Variants in RNF220 observed in about 807,000 individuals in gnomAD.
The protein encoded by RNF220 is ring finger protein 220, also known as E3 ubiquitin-protein ligase RNF220.
Under a neutral mutation model 67.1 loss-of-function variants are expected in RNF220, and 7 were observed. That is an observed-to-expected ratio of 0.10 (90% CI 0.06 to 0.20). The LOEUF (loss-of-function observed/expected upper bound fraction) is 0.20. RNF220 is among the 10% of genes least tolerant of loss of function. The pLI is 1.00. For synonymous variants in RNF220, 270 were observed against 283.2 expected (o/e 0.95, Z 0.47); for missense variants, 565 against 740.3 (o/e 0.76, Z 2.75).
intron 2 of RNF220, among the ~76,000 whole-genome samples, chr1:44,532,221 G>A (rs915274064): frequency 6.6e-6 from 1 of 152,204 alleles, no homozygotes; most frequent in Admixed American, 6.5e-5. Flanking sequence ...GGACACAGCA[G>A]GGTGAGCCTG....
intron 2 of RNF220, among the ~76,000 whole-genome samples, chr1:44,450,375 A>G (rs1652549175): frequency 3.9e-5 from 6 of 152,170 alleles, no homozygotes. Flanking sequence ...CAAAAAAAAA[A>G]TAAATTACAG....
intron 2 of RNF220, among the ~76,000 whole-genome samples, chr1:44,446,262 G>T (rs532277830): frequency 6.6e-6 from 1 of 152,116 alleles, no homozygotes; most frequent in Non-Finnish European, 1.5e-5. Context: ...TTTATGCTTC[G>T]GTTAAAAAGT....
intron 2 of RNF220, among the ~76,000 whole-genome samples, chr1:44,451,745 C>A (rs190671082): frequency 2.0e-5 from 3 of 152,122 alleles, no homozygotes; most frequent in African/African-American, 7.2e-5. Flanking sequence ...CTCAGCCTTC[C>A]GAGTAGCTGG....
intron 2 of RNF220, among the ~76,000 whole-genome samples, chr1:44,564,266 C>T (rs562678804): frequency 2.6e-5 from 4 of 152,290 alleles, no homozygotes; most frequent in South Asian, 2.1e-4. Flanking sequence ...TTGCCTGGAC[C>T]GTTGCAATCA....
intron 2 of RNF220, among the ~76,000 whole-genome samples, chr1:44,563,089 C>T (rs553258344): frequency 6.6e-6 from 1 of 152,302 alleles, no homozygotes; most frequent in East Asian, 1.9e-4. Flanking sequence ...GGGGGATGCA[C>T]TTATGAGGCC....
chr1:44,611,132 A>G (rs887325012), intron 2 of RNF220, among the ~76,000 whole-genome samples: 5 of 152,224 alleles, frequency 3.3e-5, no homozygotes, highest in Admixed American at 6.5e-5. Flanking sequence ...CAGGGGGCCC[A>G]TGGCCATGCT....
At chr1:44,407,219 C>A (rs1226237610) in intron 1 of RNF220, among the ~76,000 whole-genome samples, 1 of 152,166 alleles carries the variant, frequency 6.6e-6, no homozygotes, top group African/African-American at 2.4e-5. Flanking sequence ...CCACGACGCC[C>A]AGCAGCCACA....
chr1:44,569,308 A>G (rs1017073485), intron 2 of RNF220, among the ~76,000 whole-genome samples: 1 of 152,194 alleles, frequency 6.6e-6, no homozygotes, highest in Admixed American at 6.5e-5. Context: ...TTCATAATTT[A>G]TACCCTCAAT....
chr1:44,513,227 C>T (rs1268385906), intron 2 of RNF220, among the ~76,000 whole-genome samples: 9 of 152,148 alleles, frequency 5.9e-5, no homozygotes, highest in Non-Finnish European at 1.0e-4. Flanking sequence ...AGAACCTGTG[C>T]GAGGAGCTCT....
In RNF220 at chr1:44,635,573, G is replaced by A. The variant is rs2148482995; in HGVS notation, c.978G>A (p.Lys326=). 1 of 1,614,194 alleles carries A rather than the reference G, an allele frequency of 6.2e-7. No homozygotes were observed. The highest frequency in any genetic ancestry group is 1.3e-5 in the African/African-American group (1 of 75,064). Residue 326 remains lysine (K), a synonymous_variant, in exon 7 of 15, where the codon AAG becomes AAA. Transcript: ENST00000361799. ...GGATTGGGAAAATGAAACGGAGGAA[G>A]CAAGATGAAGGGCAGGTATGTCCCC... ...NARIGKMKRR[K]QDEGQREGSC...
At position 44,644,486 on chromosome 1, in the gene RNF220, A is replaced by T. The variant is rs78989205; in HGVS notation, c.1127-212A>T. On this transcript the variant is annotated intron_variant, in intron 8 of 14. Transcript: ENST00000361799. ...ATGAGCAGAGACCACTTGGAGCAGC[A>T]TGCAGTAGCAGAGAAAGATGAGGTT... The T allele has an allele frequency of 2.6e-3, 1,466 of 553,242 alleles. 20 individuals carry two copies. Among genetic ancestry groups the T allele is most frequent in the African/African-American group, 0.025 (1,324 of 53,078 alleles). 34.3% of individuals were successfully genotyped at this position (553,242 alleles called of 1,614,324 possible).
chr1:44,424,169 GA>G, intron 2 of RNF220: 1 of 245,138 alleles, frequency 4.1e-6, no homozygotes, highest in Non-Finnish European at 6.5e-6. Flanking sequence ...ATATGAAAAA[GA>G]AATGATAATG....
Position 44,650,992 on chromosome 1 carries a change from A to T in RNF220, c.*217A>T. 1.1e-4 allele frequency: 52 copies of T among 479,312 alleles called. No individual in the cohort carries two copies. Among genetic ancestry groups the T allele is most frequent in the East Asian group, 1.7e-4 (4 of 23,910 alleles). The allele number at this position is 479,312 out of a possible 1,614,324, so 29.7% of individuals were successfully genotyped here. The stretch of plus-strand genomic sequence containing the variant: ...AGGCACTACCTGCTGGCTCCCACCT[A>T]TGGTTTGGGGGCCATACCTGTTCCA... On this transcript the variant is annotated 3_prime_UTR_variant, in exon 15 of 15. Transcript: ENST00000361799. This position sits in a 1 kb window ranked among gnomAD's most constrained non-coding sequence, Gnocchi z 4.3.
intron 1 of RNF220, among the ~76,000 whole-genome samples, 188 bp downstream of exon 1, chr1:44,405,718 C>T (rs1451868127): frequency 1.3e-5 from 2 of 151,992 alleles, no homozygotes; most frequent in African/African-American, 4.8e-5. Context: ...GCGACGGAGC[C>T]TCTCGGCATC....
chr1:44,597,591 G>A (rs1666608827), intron 2 of RNF220, among the ~76,000 whole-genome samples: 2 of 150,492 alleles, frequency 1.3e-5, no homozygotes, highest in Admixed American at 1.3e-4. Context: ...TACACAACAT[G>A]TCTGTTATGC....
chr1:44,596,501 G>T (rs1017157106), intron 2 of RNF220, among the ~76,000 whole-genome samples: 2 of 147,232 alleles, frequency 1.4e-5, no homozygotes, highest in African/African-American at 2.5e-5. Context: ...GGCGGAGGTG[G>T]CAGTGAGCCC....
chr1:44,645,914 C>A lies in RNF220; in HGVS notation c.1445+426C>A, dbSNP rs1644631757. ...TAGGCAGGAACATTGGGTATCATCA[C>A]TTCTGGTAGGAATTTTTGGCCTGGG... On this transcript the variant is annotated intron_variant, in intron 12 of 14. Coordinates refer to ENST00000361799, the MANE Select transcript of RNF220 (RefSeq NM_018150.4). This position sits in a 1 kb window ranked among gnomAD's most constrained non-coding sequence, Gnocchi z 5.0. Among the ~76,000 whole-genome samples, 1 of 152,266 alleles carries A rather than the reference C, an allele frequency of 6.6e-6. No individual in the cohort carries two copies. The highest frequency in any genetic ancestry group is 1.5e-5 in the Non-Finnish European group (1 of 68,038).
At chr1:44,607,163 G>A (rs1348684189) in intron 2 of RNF220, among the ~76,000 whole-genome samples, 1 of 152,198 alleles carries the variant, frequency 6.6e-6, no homozygotes. Flanking sequence ...TCTCCCCTGA[G>A]TTAGTGAGAT....
intron 2 of RNF220, among the ~76,000 whole-genome samples, chr1:44,486,582 T>C (rs1333230649): frequency 6.6e-6 from 1 of 152,116 alleles, no homozygotes; most frequent in African/African-American, 2.4e-5. Flanking sequence ...ATCAAAATGG[T>C]TGGTTAGGAA....
Sources: allele counts gnomAD v4.1 joint callset (sites outside exome capture counted in the v4.1 genomes callset), GRCh38; gene constraint gnomAD v4.1.1; non-coding constraint Gnocchi (gnomAD v3.1); transcripts MANE v1.5; gene names NCBI Gene and HGNC (gene_info 2026-07-23, HGNC 2026-07-21).